NRG4: variants seen among roughly 807,000 people sequenced by gnomAD.
NRG4 encodes the protein pro-neuregulin-4, membrane-bound isoform.
A neutral mutation model predicts 15.0 loss-of-function variants in NRG4; 10 were observed. That is an observed-to-expected ratio of 0.67 (90% CI 0.41 to 1.13). The LOEUF is 1.13. Ranked by LOEUF, NRG4 falls within the 50% of genes most tolerant of loss-of-function variation. NRG4 has a pLI of 0.00. For missense variants in NRG4, 139 were observed against 140.2 expected (o/e 0.99, Z 0.04); for synonymous variants, 41 against 50.1 (o/e 0.82, Z 0.77).
chr15:76,057,310 C>G (rs1357927155), intron 1 of NRG4: 2 of 151,580 alleles, frequency 1.3e-5, no homozygotes, highest in East Asian at 3.9e-4. Context: ...TTTTTCTAAT[C>G]AGCTGAATTT....
downstream of NRG4, chr15:75,936,438 T>C (rs1039746888): frequency 5.3e-5 from 8 of 152,178 alleles, no homozygotes; most frequent in African/African-American, 1.7e-4. Flanking sequence ...TAATCAAATA[T>C]TTGCAAAATA....
intron 4 of NRG4, among the ~76,000 whole-genome samples, chr15:76,041,453 T>C (rs1415931294): frequency 6.6e-6 from 1 of 152,042 alleles, no homozygotes; most frequent in Non-Finnish European, 1.5e-5. Context: ...ACTTTACCTA[T>C]AATGATACAC....
At chr15:76,029,915 A>T (rs992539649) in intron 5 of NRG4, among the ~76,000 whole-genome samples, 2 of 152,206 alleles carry the variant, frequency 1.3e-5, no homozygotes, top group African/African-American at 4.8e-5. Context: ...ATAAATAGCA[A>T]AAGAAATCCT....
chr15:75,935,793 TTTC>T (rs1595922294), downstream of NRG4: 1 of 152,140 alleles, frequency 6.6e-6, no homozygotes, highest in African/African-American at 2.4e-5. Context: ...ATCTGAGAAC[TTTC>T]TTTTTTTTTG....
At chr15:76,051,565 C>CTTTTT (rs917470740) in intron 4 of NRG4, among the ~76,000 whole-genome samples, 1 of 133,488 alleles carries the variant, frequency 7.5e-6, no homozygotes, top group African/African-American at 2.8e-5. Flanking sequence ...GAACAATCTT[C>CTTTTT]TTTTTTTTTT....
intron 3 of NRG4, among the ~76,000 whole-genome samples, chr15:75,991,384 A>C (rs74024048): frequency 0.04 from 6,033 of 152,268 alleles, 216 homozygotes; most frequent in African/African-American, 0.095. Context: ...AACTACTACT[A>C]ACATCATACA....
At chr15:75,971,294 T>C (rs1362209199) in intron 3 of NRG4, 2 of 455,146 alleles carry the variant, frequency 4.4e-6, no homozygotes, top group Non-Finnish European at 4.4e-6. Context: ...GACCATCTCA[T>C]GATCTCTGTA....
chr15:75,972,741 G>A (rs1339797569), intron 3 of NRG4, among the ~76,000 whole-genome samples: 1 of 152,022 alleles, frequency 6.6e-6, no homozygotes, highest in African/African-American at 2.4e-5. Flanking sequence ...TATCTGTTTT[G>A]GTACCAGTAC....
chr15:75,999,546 A>C (rs544250343), intron 3 of NRG4, among the ~76,000 whole-genome samples: 68 of 152,280 alleles, frequency 4.5e-4, no homozygotes, highest in Non-Finnish European at 9.1e-4. Context: ...GTGAGCTTGC[A>C]ACAAGAAGGC....
intron 5 of NRG4, among the ~76,000 whole-genome samples, chr15:76,025,336 G>A (rs531808118): frequency 6.6e-6 from 1 of 152,284 alleles, no homozygotes; most frequent in East Asian, 1.9e-4. Context: ...CTACTTGGGA[G>A]GCAGAGGCAG....
At chr15:75,962,567 C>T (rs2032579733) in intron 3 of NRG4, among the ~76,000 whole-genome samples, 1 of 152,172 alleles carries the variant, frequency 6.6e-6, no homozygotes, top group Non-Finnish European at 1.5e-5. Context: ...CTACTCTACT[C>T]CTTATTACTT....
At position 75,977,886 on chromosome 15, in the gene NRG4, G is replaced by A. The variant is rs1381750112; in HGVS notation, c.105-15912C>T. Among the ~76,000 whole-genome samples the A allele has an allele frequency of 6.6e-6, 1 of 151,238 alleles. No homozygotes were observed. The highest frequency in any genetic ancestry group is 1.5e-5 in the Non-Finnish European group (1 of 67,814). ...GGCTGGAGTGCAGTGGTGTGATCTC[G>A]GCTCACTACAACCTCTGCCTCCCAG... is the stretch of plus-strand genomic sequence containing the variant. On this transcript the variant is annotated intron_variant, in intron 3 of 5. Transcript: ENST00000394907. The surrounding 1 kb of genome is among the most constrained non-coding windows in gnomAD (Gnocchi z 4.9).
At chr15:76,049,631 CA>C (rs1173838075) in intron 4 of NRG4, among the ~76,000 whole-genome samples, 2 of 151,056 alleles carry the variant, frequency 1.3e-5, no homozygotes, top group Non-Finnish European at 2.9e-5. Context: ...TTTTAGATTA[CA>C]AGGTGCCTTT....
At chr15:76,044,622 T>C (rs1430410888) in intron 4 of NRG4, among the ~76,000 whole-genome samples, 10 of 148,946 alleles carry the variant, frequency 6.7e-5, no homozygotes, top group Admixed American at 6.6e-4. Context: ...GATCATGAGG[T>C]CAGGAGATCA....
intron 5 of NRG4, among the ~76,000 whole-genome samples, chr15:76,022,201 G>C (rs2454212): frequency 1.2e-4 from 19 of 152,112 alleles, no homozygotes; most frequent in African/African-American, 3.4e-4. Flanking sequence ...TGATCTTTAA[G>C]AACTATTTTT....
Position 76,011,429 on chromosome 15 carries a change from G to A in NRG4, c.-56-143C>T, listed in dbSNP as rs947692032. The A allele has an allele frequency of 3.3e-5, 13 of 395,824 alleles. 1 individual carries two copies. The highest frequency in any genetic ancestry group is 1.4e-3 in the Middle Eastern group (2 of 1,392). 24.5% of individuals were successfully genotyped at this position (395,824 alleles called of 1,614,324 possible). A position where few individuals can be genotyped will look rare whatever the true frequency, so the allele number is the denominator to read the frequency against. ...ATTTATATACTAGGGACAAATTTTA[G>A]TTACAGCATTTTTAGATACCTATTG... On this transcript the variant is annotated intron_variant, in intron 1 of 5. Coordinates refer to ENST00000394907, the MANE Select transcript of NRG4 (RefSeq NM_138573.4).
chr15:76,010,415 AC>A (rs1036999585), intron 2 of NRG4, among the ~76,000 whole-genome samples: 3 of 152,134 alleles, frequency 2.0e-5, no homozygotes, highest in African/African-American at 7.2e-5. Flanking sequence ...TTTATGTGCC[AC>A]TAAGATATCA....
intron 4 of NRG4, among the ~76,000 whole-genome samples, chr15:75,960,369 T>G (rs558138137): frequency 3.2e-4 from 48 of 152,200 alleles, no homozygotes; most frequent in Non-Finnish European, 7.1e-4. Flanking sequence ...TATCTACTTA[T>G]GCATAACATA....
chr15:75,973,394 C>T (rs937525434), intron 3 of NRG4, among the ~76,000 whole-genome samples: 2 of 152,144 alleles, frequency 1.3e-5, no homozygotes, highest in African/African-American at 4.8e-5. Flanking sequence ...CCAGAACTTC[C>T]AATACTATGT....
Sources: allele counts gnomAD v4.1 joint callset (sites outside exome capture counted in the v4.1 genomes callset), GRCh38; gene constraint gnomAD v4.1.1; non-coding constraint Gnocchi (gnomAD v3.1); transcripts MANE v1.5; gene names NCBI Gene and HGNC (gene_info 2026-07-23, HGNC 2026-07-21).